Variants in SSH2 observed in about 807,000 individuals in gnomAD.
SSH2 encodes protein phosphatase Slingshot homolog 2.
SSH2 carries 37 observed loss-of-function variants against 135.2 expected under a neutral mutation model. That is an observed-to-expected ratio of 0.27 (90% confidence interval 0.21 to 0.36). The LOEUF (loss-of-function observed/expected upper bound fraction) is 0.36. Among genes scored for constraint, SSH2 ranks in the 10% least tolerant of loss-of-function variants. The pLI, the probability that SSH2 is intolerant of heterozygous loss-of-function variation, is 1.00. For missense variants in SSH2, 1,408 were observed against 1,765.3 expected, an observed-to-expected ratio of 0.80 and a Z score of 3.63; for synonymous variants, 628 against 646.2, an observed-to-expected ratio of 0.97 and a Z score of 0.43.
At chr17:29,855,974 T>C (rs2065655701) in intron 1 of SSH2, 3 of 324,354 alleles carry the variant, frequency 9.2e-6, no homozygotes, top group South Asian at 5.6e-5. Context: ...GCACTATTTG[T>C]AATCATGTAC....
intron 3 of SSH2, among the ~76,000 whole-genome samples, chr17:29,792,857 G>T (rs1397776737): frequency 6.6e-6 from 1 of 152,084 alleles, no homozygotes; most frequent in Admixed American, 6.6e-5. Context: ...TTTGTATTTA[G>T]TGGAGACAGG....
At chr17:29,810,857 C>T (rs1038091765) in intron 2 of SSH2, among the ~76,000 whole-genome samples, 1 of 152,314 alleles carries the variant, frequency 6.6e-6, no homozygotes, top group Middle Eastern at 3.4e-3. Context: ...CTTGTCCAAC[C>T]CATGCCCAGA....
intron 12 of SSH2, among the ~76,000 whole-genome samples, chr17:29,652,807 G>A (rs868861868): frequency 1.4e-4 from 21 of 151,894 alleles, no homozygotes; most frequent in African/African-American, 3.9e-4. Context: ...ACAGGTGTGC[G>A]CCACCACTCC....
At position 29,835,543 on chromosome 17, in the gene SSH2, G is replaced by A. The variant is rs531142836; in HGVS notation, c.144+13306C>T. Among the ~76,000 whole-genome samples the A allele has an allele frequency of 2.0e-5, 3 of 152,196 alleles. No homozygotes were observed. The East Asian group carries it at 5.8e-4, about 29-fold the overall frequency. Reference sequence around the variant, plus strand: ...TGAGCAGTCTTCTGCTCAGCTCCTGGACCAGGCCCTGCAAATTCAGTTCAA... The same window carrying A: ...TGAGCAGTCTTCTGCTCAGCTCCTGAACCAGGCCCTGCAAATTCAGTTCAA... On this transcript the variant is annotated intron_variant, in intron 2 of 15. Coordinates refer to ENST00000540801, the MANE Select transcript of SSH2 (RefSeq NM_001282129.2).
At chr17:29,853,680 T>G (rs2065608900) in intron 1 of SSH2, among the ~76,000 whole-genome samples, 1 of 151,936 alleles carries the variant, frequency 6.6e-6, no homozygotes, top group African/African-American at 2.4e-5. Flanking sequence ...ACTAGCAGTG[T>G]GATTTTGAGC....
At position 29,926,622 on chromosome 17, in the gene SSH2, C is replaced by T. The variant is rs1043587390; in HGVS notation, c.63+3316G>A. Among the ~76,000 whole-genome samples, 5 of 151,976 alleles carry T rather than the reference C, an allele frequency of 3.3e-5. No homozygotes were observed. The South Asian group carries it at 8.3e-4, about 25-fold the overall frequency. Reference sequence around the variant, plus strand: ...CTACTCAAAACCTCAGCAGACTCTCCACTACCTTCTCCATCAAGTTCAAAC... The same window carrying T: ...CTACTCAAAACCTCAGCAGACTCTCTACTACCTTCTCCATCAAGTTCAAAC... On this transcript the variant is annotated intron_variant, in intron 1 of 15. Transcript: ENST00000540801.
chr17:29,649,454 C>G (rs2036508620), intron 13 of SSH2, among the ~76,000 whole-genome samples: 1 of 152,000 alleles, frequency 6.6e-6, no homozygotes, highest in African/African-American at 2.4e-5. Context: ...GCGACCACAG[C>G]TCACTGCAGC....
intron 3 of SSH2, among the ~76,000 whole-genome samples, chr17:29,722,881 G>A (rs1470886473): frequency 1.3e-5 from 2 of 152,170 alleles, no homozygotes; most frequent in African/African-American, 4.8e-5. Context: ...GAGAGGGGTG[G>A]AGCCTGAGAG....
At chr17:29,735,098 G>GA (rs761401402) in intron 3 of SSH2, among the ~76,000 whole-genome samples, 7 of 152,088 alleles carry the variant, frequency 4.6e-5, no homozygotes, top group African/African-American at 1.4e-4. Flanking sequence ...TTTTCCTCCA[G>GA]AAAAAATTAA....
chr17:29,710,862 A>G (rs1289483789), intron 3 of SSH2, among the ~76,000 whole-genome samples: 1 of 152,190 alleles, frequency 6.6e-6, no homozygotes, highest in Non-Finnish European at 1.5e-5. Flanking sequence ...TGTAATCCTA[A>G]AGGAATTTAG....
chr17:29,732,715 C>A (rs2040238132), intron 3 of SSH2, among the ~76,000 whole-genome samples: 1 of 152,170 alleles, frequency 6.6e-6, no homozygotes, highest in South Asian at 2.1e-4. Flanking sequence ...CGGCTCATAG[C>A]AGTGAGGTCA....
intron 6 of SSH2, among the ~76,000 whole-genome samples, chr17:29,683,450 T>TCCCCG (rs2038069794): frequency 1.4e-5 from 2 of 142,400 alleles, no homozygotes; most frequent in South Asian, 2.4e-4. Context: ...TACCACCCCA[T>TCCCCG]CCCCGCCCCG....
At chr17:29,719,695 C>T (rs2039755674) in intron 3 of SSH2, among the ~76,000 whole-genome samples, 3 of 152,184 alleles carry the variant, frequency 2.0e-5, no homozygotes, top group Admixed American at 2.0e-4. Flanking sequence ...GAGTAACTTG[C>T]TTAAACTTAC....
rs192207951 is a variant in SSH2, at chr17:29,715,716, T to C, written c.189-12654A>G. Among the ~76,000 whole-genome samples the C allele has an allele frequency of 2.2e-4, 33 of 152,308 alleles. No homozygotes were observed. The East Asian group carries it at 5.0e-3, about 23-fold the overall frequency. On this transcript the variant is annotated intron_variant, in intron 3 of 15. Transcript: ENST00000540801. The stretch of plus-strand genomic sequence containing the variant: ...CACATTACCTGACACTAAATAAATG[T>C]TTAGCAATTATAGTAATTATATGTG...
At chr17:29,854,698 A>G (rs1284178599) in intron 1 of SSH2, among the ~76,000 whole-genome samples, 1 of 152,032 alleles carries the variant, frequency 6.6e-6, no homozygotes, top group Non-Finnish European at 1.5e-5. Flanking sequence ...CTGTAATCCC[A>G]GCACTTTGGG....
At position 29,929,921 on chromosome 17, in the gene SSH2, C is replaced by A; in HGVS notation, c.63+17G>T. 2 of 1,585,556 alleles carry A rather than the reference C, an allele frequency of 1.3e-6. No individual in the cohort carries two copies. Among genetic ancestry groups the A allele is most frequent in the East Asian group, 2.3e-5 (1 of 43,408 alleles). On this transcript the variant is annotated intron_variant, in intron 1 of 15. Coordinates refer to ENST00000540801, the MANE Select transcript of SSH2 (RefSeq NM_001282129.2). ...CAGTGACAGAAGCAAGCGGAGCGGC[C>A]GCCAGGAAGGACTCACCGAGGCGCA... is the stretch of plus-strand genomic sequence containing the variant.
At chr17:29,815,838 T>C (rs1030078635) in intron 2 of SSH2, among the ~76,000 whole-genome samples, 107 of 152,080 alleles carry the variant, frequency 7.0e-4, no homozygotes, top group African/African-American at 2.5e-3. Flanking sequence ...GCCCTGATTG[T>C]TTATTTTTTA....
intron 2 of SSH2, among the ~76,000 whole-genome samples, chr17:29,819,052 C>T (rs912174913): frequency 5.9e-5 from 9 of 151,982 alleles, no homozygotes; most frequent in African/African-American, 2.2e-4. Context: ...CATGGAGACA[C>T]CCCGTCTCTA....
chr17:29,654,908 C>T (rs967716715), intron 12 of SSH2, among the ~76,000 whole-genome samples: 1 of 152,186 alleles, frequency 6.6e-6, no homozygotes, highest in Admixed American at 6.6e-5. Flanking sequence ...CTTTGTCCCA[C>T]AGAAGACGCT....
Sources: allele counts gnomAD v4.1 joint callset (sites outside exome capture counted in the v4.1 genomes callset), GRCh38; gene constraint gnomAD v4.1.1; transcripts MANE v1.5; gene names NCBI Gene and HGNC (gene_info 2026-07-23, HGNC 2026-07-21).